SPPL2A: variants seen among roughly 807,000 people sequenced by gnomAD.
SPPL2A encodes signal peptide peptidase like 2A.
In SPPL2A, 51 loss-of-function variants were observed where a neutral mutation model predicts 63.8. That is an observed-to-expected ratio of 0.80 (90% CI 0.64 to 1.01). The LOEUF (loss-of-function observed/expected upper bound fraction) is 1.01. Among genes scored for constraint, SPPL2A ranks in the 50% least tolerant of loss-of-function variants. The probability of loss-of-function intolerance (pLI) is 0.00; values close to 1 mark genes in which losing one functional copy is unlikely to be tolerated. For synonymous variants in SPPL2A, 188 were observed against 205.8 expected (o/e 0.91, Z 0.74); for missense variants, 553 against 622.7 (o/e 0.89, Z 1.19).
At chr15:50,764,388 C>A (rs1483271080) in intron 1 of SPPL2A, 2 of 152,178 alleles carry the variant, frequency 1.3e-5, no homozygotes, top group South Asian at 2.1e-4. Flanking sequence ...GATACATTCT[C>A]TCAGGTTCCT....
chr15:50,747,464 T>C, intron 5 of SPPL2A, 31 bp downstream of exon 5: 1 of 1,569,684 alleles, frequency 6.4e-7, no homozygotes, highest in Non-Finnish European at 8.6e-7. Context: ...TAACCATTTA[T>C]TACAAAAACG....
intron 11 of SPPL2A, 28 bp from the exon 12 acceptor site, chr15:50,725,351 A>G (rs748513292): frequency 8.0e-7 from 1 of 1,249,560 alleles, no homozygotes; most frequent in Admixed American, 2.1e-5. Flanking sequence ...AAAACAAAAC[A>G]AAACAAAACA....
chr15:50,760,727 C>T (rs1022668047), intron 1 of SPPL2A, among the ~76,000 whole-genome samples: 6 of 152,080 alleles, frequency 3.9e-5, no homozygotes, highest in African/African-American at 1.2e-4. Flanking sequence ...GTGGGGGACA[C>T]AATTCATTCC....
At position 50,729,531 on chromosome 15, in the gene SPPL2A, G is replaced by GA. The variant is rs150893084; in HGVS notation, c.1089+1433dup. Among the ~76,000 whole-genome samples, 303 of 152,200 alleles carry GA rather than the reference G, an allele frequency of 2.0e-3. 1 individual carries two copies. Among genetic ancestry groups the GA allele is most frequent in the African/African-American group, 6.7e-3 (280 of 41,538 alleles). On this transcript the variant is annotated intron_variant, in intron 10 of 14. Transcript: ENST00000261854. Reference sequence around the variant, plus strand: ...GCTATTTGGGAAGCTGAGGTGGTAGGATCACCTGGGCCTCAGGAGGTTAAG... The same window carrying GA: ...GCTATTTGGGAAGCTGAGGTGGTAGGAATCACCTGGGCCTCAGGAGGTTAAG...
Position 50,732,599 on chromosome 15 carries a change from T to C in SPPL2A, c.1014+4A>G, listed in dbSNP as rs773036308. On this transcript the variant is annotated splice_donor_region_variant and intron_variant, in intron 9 of 14. Coordinates refer to ENST00000261854, the MANE Select transcript of SPPL2A (RefSeq NM_032802.4). The stretch of plus-strand genomic sequence containing the variant: ...AACTAGCAAAGTAGTATTGTATACA[T>C]TACCTTGAAGTTGGGCAACTTCAGT... 9 of 1,542,890 alleles carry C rather than the reference T, an allele frequency of 5.8e-6. No individual in the cohort carries two copies. In the East Asian group the frequency reaches 2.0e-4, roughly 35 times the overall value.
intron 14 of SPPL2A, among the ~76,000 whole-genome samples, chr15:50,710,909 A>C (rs1035380357): frequency 2.0e-5 from 3 of 152,150 alleles, no homozygotes; most frequent in African/African-American, 7.2e-5. Context: ...TTGCTGCACA[A>C]ATTTAACTCC....
intron 5 of SPPL2A, among the ~76,000 whole-genome samples, chr15:50,743,767 T>A (rs1490848236): frequency 6.6e-6 from 1 of 152,202 alleles, no homozygotes; most frequent in East Asian, 1.9e-4. Context: ...CTATAATAAA[T>A]AGGAAAACAT....
In SPPL2A at chr15:50,758,886, ATATCTATCTATCTATC is replaced by A. The variant is rs79216272; in HGVS notation, c.66+6566_66+6581del. On this transcript the variant is annotated intron_variant, in intron 1 of 14. Coordinates refer to ENST00000261854, the MANE Select transcript of SPPL2A (RefSeq NM_032802.4). ...ACAACTGATCAAATATATAATAAGCATATCTATCTATCTATCTATCTATCTATCTATCTATCTATCT... is the reference window on the plus strand; with the variant it reads ...ACAACTGATCAAATATATAATAAGCATATCTATCTATCTATCTATCTATCT... Among the ~76,000 whole-genome samples the A allele has an allele frequency of 1.0e-3, 157 of 149,700 alleles. 1 individual carries two copies. The highest frequency in any genetic ancestry group is 3.0e-3 in the African/African-American group (122 of 40,558).
At position 50,765,496 on chromosome 15, in the gene SPPL2A, G is replaced by T; in HGVS notation, c.38C>A (p.Ala13Asp). 1 of 1,503,236 alleles carries T rather than the reference G, an allele frequency of 6.7e-7. No individual in the cohort carries two copies. Among genetic ancestry groups the T allele is most frequent in the Admixed American group, 2.1e-5 (1 of 47,530 alleles). The allele number at this position is 1,503,236 out of a possible 1,614,324, so 93.1% of individuals were successfully genotyped here. Reference sequence around the variant, plus strand: ...CTGGAGCAGGAAGCCCCAGAGTAGGGCGGCCCCGGCAGGGGACAGCCGCCG... The same window carrying T: ...CTGGAGCAGGAAGCCCCAGAGTAGGTCGGCCCCGGCAGGGGACAGCCGCCG... ...PQRRLSPAGA[A>D]LLWGFLLQLT... Residue 13 changes from alanine (A) to aspartate (D), a missense_variant, in exon 1 of 15, where the codon GCC becomes GAC. By Grantham distance (126) the Ala-to-Asp change is moderately radical (BLOSUM62 -2). Coordinates refer to ENST00000261854, the MANE Select transcript of SPPL2A (RefSeq NM_032802.4).
At position 50,747,478 on chromosome 15, in the gene SPPL2A, A is replaced by C. The variant is rs1181148022; in HGVS notation, c.584+17T>G. The C allele has an allele frequency of 6.3e-7, 1 of 1,585,942 alleles. No homozygotes were observed. The highest frequency in any genetic ancestry group is 8.5e-7 in the Non-Finnish European group (1 of 1,170,270). On this transcript the variant is annotated intron_variant, in intron 5 of 14. Transcript: ENST00000261854. Reference sequence around the variant, plus strand: ...TTAACCATTTATTACAAAAACGCTTAAGTTAATTAAACTTACAATTCAACT... The same window carrying C: ...TTAACCATTTATTACAAAAACGCTTCAGTTAATTAAACTTACAATTCAACT...
At chr15:50,741,809 T>C (rs570894562) in intron 5 of SPPL2A, among the ~76,000 whole-genome samples, 105 of 151,674 alleles carry the variant, frequency 6.9e-4, no homozygotes, top group Admixed American at 2.4e-3. Flanking sequence ...CTACTAAAAA[T>C]ACAAAAATTA....
intron 14 of SPPL2A, among the ~76,000 whole-genome samples, chr15:50,716,442 G>A (rs1252148364): frequency 6.6e-6 from 1 of 152,052 alleles, no homozygotes; most frequent in South Asian, 2.1e-4. Flanking sequence ...TGATCTGCCC[G>A]CCTCAGCCTC....
chr15:50,762,692 T>C (rs1307187264), intron 1 of SPPL2A, among the ~76,000 whole-genome samples: 2 of 151,912 alleles, frequency 1.3e-5, no homozygotes. Flanking sequence ...GCCCTGTTAT[T>C]ACATGACTAA....
chr15:50,724,699 G>C (rs571806983), intron 12 of SPPL2A, among the ~76,000 whole-genome samples: 2 of 152,272 alleles, frequency 1.3e-5, no homozygotes, highest in East Asian at 3.9e-4. Flanking sequence ...AGAGCAGTGA[G>C]GAAAGTAAGG....
intron 14 of SPPL2A, among the ~76,000 whole-genome samples, chr15:50,718,668 T>C (rs1260390996): frequency 6.6e-6 from 1 of 151,602 alleles, no homozygotes; most frequent in African/African-American, 2.4e-5. Context: ...TAACCAAATC[T>C]CAAAGAAATG....
At chr15:50,764,076 T>A (rs1438233572) in intron 1 of SPPL2A, among the ~76,000 whole-genome samples, 4 of 152,194 alleles carry the variant, frequency 2.6e-5, no homozygotes, top group Non-Finnish European at 5.9e-5. Context: ...AGAATTTCAA[T>A]GTGAGTTTAT....
At chr15:50,720,381 A>C in intron 13 of SPPL2A, among the ~76,000 whole-genome samples, 1 of 146,520 alleles carries the variant, frequency 6.8e-6, no homozygotes, top group Admixed American at 6.8e-5. Context: ...GTTGCTATTA[A>C]AGATGTTAAA....
At chr15:50,726,540 G>A (rs111654413) in intron 10 of SPPL2A, among the ~76,000 whole-genome samples, 163 bp from the exon 11 acceptor site, 68 of 152,306 alleles carry the variant, frequency 4.5e-4, no homozygotes, top group African/African-American at 1.6e-3. Flanking sequence ...AAAAACTGAA[G>A]TCATCTAAAA....
rs1307559328 is a variant in SPPL2A at position 50,703,657 on chromosome 15, G to A, written c.*4143C>T. ...ATTACAGGTGTGAGCCACCGCACCC[G>A]GCCTTAGTTCAAATATTTTTTATTC... On this transcript the variant is annotated 3_prime_UTR_variant, in exon 15 of 15. Coordinates refer to ENST00000261854, the MANE Select transcript of SPPL2A (RefSeq NM_032802.4). The A allele has an allele frequency of 3.3e-5, 5 of 151,578 alleles. No homozygotes were observed. The South Asian group carries it at 6.2e-4, about 19-fold the overall frequency. The allele number at this position is 151,578 out of a possible 1,614,324, so 9.4% of individuals were successfully genotyped here. A position where few individuals can be genotyped will look rare whatever the true frequency, so the allele number is the denominator to read the frequency against.
Sources: allele counts gnomAD v4.1 joint callset (sites outside exome capture counted in the v4.1 genomes callset), GRCh38; gene constraint gnomAD v4.1.1; transcripts MANE v1.5; gene names NCBI Gene and HGNC (gene_info 2026-07-23, HGNC 2026-07-21).